Variants in CDKAL1 observed in about 807,000 individuals in gnomAD.
CDKAL1 encodes CDKAL1 threonylcarbamoyladenosine tRNA methylthiotransferase, also known as threonylcarbamoyladenosine tRNA methylthiotransferase.
A neutral mutation model predicts 68.2 loss-of-function variants in CDKAL1; 32 were observed. That is an observed-to-expected ratio of 0.47 (90% confidence interval 0.35 to 0.63). The LOEUF (loss-of-function observed/expected upper bound fraction) is 0.63. CDKAL1 is among the 30% of genes least tolerant of loss of function. CDKAL1 has a pLI of 0.00. For missense variants in CDKAL1, 606 were observed against 696.7 expected (o/e 0.87, Z 1.47); for synonymous variants, 234 against 244.3 (o/e 0.96, Z 0.39).
intron 7 of CDKAL1, among the ~76,000 whole-genome samples, chr6:20,770,892 T>G (rs1246207525): frequency 6.6e-6 from 1 of 152,180 alleles, no homozygotes; most frequent in African/African-American, 2.4e-5. Context: ...CCTCCCAGAC[T>G]TCAGTGTCAC....
intron 11 of CDKAL1, among the ~76,000 whole-genome samples, chr6:21,003,363 T>TACACACACACACACAC (rs1561952856): frequency 3.4e-5 from 2 of 58,810 alleles, no homozygotes; most frequent in African/African-American, 2.2e-4. Context: ...TATATATATA[T>TACACACACACACACAC]ATATATATAC....
At chr6:21,223,312 A>G (rs1422239117) in intron 15 of CDKAL1, among the ~76,000 whole-genome samples, 2 of 152,210 alleles carry the variant, frequency 1.3e-5, no homozygotes. Flanking sequence ...CATTTATACT[A>G]TCAGAAATTT....
intron 12 of CDKAL1, among the ~76,000 whole-genome samples, chr6:21,095,167 C>T (rs545363328): frequency 6.6e-6 from 1 of 152,086 alleles, no homozygotes; most frequent in Non-Finnish European, 1.5e-5. Context: ...AGCAGTATCC[C>T]GAGGCTGAGT....
intron 11 of CDKAL1, among the ~76,000 whole-genome samples, chr6:21,033,040 A>G (rs1023259640): frequency 1.3e-5 from 2 of 152,146 alleles, no homozygotes; most frequent in Non-Finnish European, 2.9e-5. Context: ...CCCAACATCT[A>G]CTGTAGAGAC....
At chr6:20,845,838 T>A (rs995794853) in intron 8 of CDKAL1, among the ~76,000 whole-genome samples, 5 of 152,248 alleles carry the variant, frequency 3.3e-5, no homozygotes, top group Admixed American at 6.5e-5. Flanking sequence ...TTTTAGATAA[T>A]GTGTGATTTG....
chr6:20,759,521 G>C (rs1774376320), intron 7 of CDKAL1, among the ~76,000 whole-genome samples: 1 of 152,142 alleles, frequency 6.6e-6, no homozygotes, highest in South Asian at 2.1e-4. Context: ...CAGCCCAGTT[G>C]ACAGAGCGAG....
intron 5 of CDKAL1, among the ~76,000 whole-genome samples, chr6:20,666,015 A>G (rs2206738): frequency 0.39 from 59,815 of 151,522 alleles, 12,893 homozygotes; most frequent in African/African-American, 0.58. Context: ...AAATTTCTAT[A>G]TGGCCTGAAG....
chr6:20,817,407 G>A (rs1233859314), intron 8 of CDKAL1, among the ~76,000 whole-genome samples: 2 of 152,034 alleles, frequency 1.3e-5, no homozygotes, highest in African/African-American at 4.8e-5. Flanking sequence ...TAAATTACAG[G>A]CCAATAAAAG....
Position 21,133,793 on chromosome 6 carries a change from C to T in CDKAL1, c.1299+25330C>T, listed in dbSNP as rs572821542. Among the ~76,000 whole-genome samples, 4 of 152,216 alleles carry T rather than the reference C, an allele frequency of 2.6e-5. No homozygotes were observed. In the South Asian group the frequency reaches 8.3e-4, roughly 32 times the overall value. ...TTAATGCTGTTTTTACTTGTACTAA[C>T]CTCCCACTAGTACATTTGTTTATGA... is the stretch of plus-strand genomic sequence containing the variant. On this transcript the variant is annotated intron_variant, in intron 13 of 15. Transcript: ENST00000274695.
chr6:20,684,029 C>T (rs116544964), intron 5 of CDKAL1, among the ~76,000 whole-genome samples: 1,647 of 152,236 alleles, frequency 0.011, 33 homozygotes, highest in African/African-American at 0.038. Context: ...TATCTTTTCG[C>T]GTCTTGATGG....
intron 8 of CDKAL1, among the ~76,000 whole-genome samples, chr6:20,816,195 TCTTAA>T (rs1489364337): frequency 6.6e-6 from 1 of 150,640 alleles, no homozygotes; most frequent in Admixed American, 6.6e-5. Context: ...TCTGACTTCA[TCTTAA>T]CTTAATTATA....
intron 10 of CDKAL1, among the ~76,000 whole-genome samples, chr6:20,973,519 G>A (rs938819405): frequency 6.6e-6 from 1 of 152,144 alleles, no homozygotes; most frequent in Non-Finnish European, 1.5e-5. Flanking sequence ...AGCAGTAGAG[G>A]CATGCCAGTG....
chr6:21,040,837 T>G (rs1319036117), intron 11 of CDKAL1, among the ~76,000 whole-genome samples: 1 of 152,082 alleles, frequency 6.6e-6, no homozygotes, highest in East Asian at 1.9e-4. Context: ...TTTCCCTAAT[T>G]CCTCACTTCC....
At chr6:21,213,231 G>A (rs1779225271) in intron 15 of CDKAL1, among the ~76,000 whole-genome samples, 1 of 152,162 alleles carries the variant, frequency 6.6e-6, no homozygotes, top group Non-Finnish European at 1.5e-5. Context: ...CCATTTGATA[G>A]GATGGTTTTG....
At chr6:20,625,405 T>G (rs1376316122) in intron 4 of CDKAL1, among the ~76,000 whole-genome samples, 1 of 152,096 alleles carries the variant, frequency 6.6e-6, no homozygotes. Flanking sequence ...GAAGAAGAAT[T>G]TCAATGGTGT....
intron 5 of CDKAL1, among the ~76,000 whole-genome samples, chr6:20,715,793 A>T (rs868858088): frequency 4.6e-5 from 7 of 152,212 alleles, no homozygotes; most frequent in African/African-American, 7.2e-5. Context: ...TATTTTTCCT[A>T]GTCAGTATTT....
intron 7 of CDKAL1, among the ~76,000 whole-genome samples, chr6:20,779,030 CAT>C (rs1257772092): frequency 5.3e-5 from 8 of 152,312 alleles, no homozygotes; most frequent in Non-Finnish European, 1.0e-4. Context: ...CTGATAATCA[CAT>C]GAGAAGGTAC....
intron 10 of CDKAL1, among the ~76,000 whole-genome samples, chr6:20,970,949 A>C (rs1374239225): frequency 1.3e-5 from 2 of 152,044 alleles, no homozygotes; most frequent in Non-Finnish European, 2.9e-5. Context: ...CCCAGATTCA[A>C]ATGTTTCTCC....
rs528165075 is a variant in CDKAL1 at position 20,749,118 on chromosome 6, A to T, written c.469-9477A>T. On this transcript the variant is annotated intron_variant, in intron 6 of 15. Transcript: ENST00000274695. ...TTCATGCAGTCTTAATAAGAGTCATACCAACTAATAGAGAAATATGGACAA... is the reference window on the plus strand; with the variant it reads ...TTCATGCAGTCTTAATAAGAGTCATTCCAACTAATAGAGAAATATGGACAA... Among the ~76,000 whole-genome samples, 10 of 152,334 alleles carry T rather than the reference A, an allele frequency of 6.6e-5. No homozygotes were observed. The East Asian group carries it at 1.9e-3, about 29-fold the overall frequency.
Sources: allele counts gnomAD v4.1 joint callset (sites outside exome capture counted in the v4.1 genomes callset), GRCh38; gene constraint gnomAD v4.1.1; transcripts MANE v1.5; gene names NCBI Gene and HGNC (gene_info 2026-07-23, HGNC 2026-07-21).